NEO1: variants seen among roughly 807,000 people sequenced by gnomAD.
The protein encoded by NEO1 is neogenin 1.
Under a neutral mutation model 159.7 loss-of-function variants are expected in NEO1, and 63 were observed. The ratio of observed to expected loss-of-function variants is 0.39; its 90% CI spans 0.32 to 0.49. The LOEUF (loss-of-function observed/expected upper bound fraction) is 0.49, where lower values mean the gene tolerates loss of function less well. Among genes scored for constraint, NEO1 ranks in the 20% least tolerant of loss-of-function variants. NEO1 has a pLI of 0.85. For synonymous variants in NEO1, 633 were observed against 662.0 expected (o/e 0.96, Z 0.67); for missense variants, 1,615 against 1,831.0 (o/e 0.88, Z 2.15).
chr15:73,172,415 A>T (rs1236298949), intron 5 of NEO1, among the ~76,000 whole-genome samples: 7 of 152,218 alleles, frequency 4.6e-5, no homozygotes, highest in Admixed American at 4.6e-4. Flanking sequence ...GTTAGCTTTG[A>T]TGTGTTCATT....
At chr15:73,261,394 A>G (rs1484076256) in intron 15 of NEO1, among the ~76,000 whole-genome samples, 4 of 152,172 alleles carry the variant, frequency 2.6e-5, no homozygotes, top group Admixed American at 1.3e-4. Flanking sequence ...TCTGGTCACT[A>G]TATCTGTTCG....
chr15:73,167,057 T>C (rs1340702937), intron 5 of NEO1, among the ~76,000 whole-genome samples: 2 of 138,706 alleles, frequency 1.4e-5, no homozygotes, highest in African/African-American at 5.4e-5. Context: ...TTCTCACTCA[T>C]AGGTGGGAAT....
intron 7 of NEO1, among the ~76,000 whole-genome samples, chr15:73,191,694 A>G (rs2036244741): frequency 6.6e-6 from 1 of 152,076 alleles, no homozygotes; most frequent in South Asian, 2.1e-4. Flanking sequence ...AATTTGCAAA[A>G]TTAGAAAATC....
intron 7 of NEO1, among the ~76,000 whole-genome samples, chr15:73,200,236 A>G (rs979872912): frequency 2.0e-5 from 3 of 152,074 alleles, no homozygotes; most frequent in Non-Finnish European, 4.4e-5. Context: ...CTATTCAGGT[A>G]TTCAGGTTAT....
Position 73,258,877 on chromosome 15 carries a change from G to A in NEO1, c.2203+1G>A, listed in dbSNP as rs1316094693. On this transcript the variant is annotated splice_donor_variant, in intron 14 of 28. Coordinates refer to ENST00000261908, the MANE Select transcript of NEO1 (RefSeq NM_002499.4). LOFTEE classifies it high-confidence loss of function. Reference sequence around the variant, plus strand: ...GAAACTTTTGAAAGTGACCTAGATGGTAAGAATAACAATTGGCAAGACTGG... The same window carrying A: ...GAAACTTTTGAAAGTGACCTAGATGATAAGAATAACAATTGGCAAGACTGG... 6.2e-7 allele frequency: 1 copy of A among 1,612,320 alleles called. No individual in the cohort carries two copies. The highest frequency in any genetic ancestry group is 1.7e-5 in the Admixed American group (1 of 59,992).
intron 7 of NEO1, among the ~76,000 whole-genome samples, chr15:73,211,582 G>T (rs2037572395): frequency 2.0e-5 from 3 of 152,210 alleles, no homozygotes; most frequent in Admixed American, 6.5e-5. Flanking sequence ...AGGCGTGGTG[G>T]CACATGCGTG....
chr15:73,125,067 T>C (rs183513004), intron 3 of NEO1, among the ~76,000 whole-genome samples: 1 of 152,310 alleles, frequency 6.6e-6, no homozygotes, highest in East Asian at 1.9e-4. Flanking sequence ...CCTCAAAATC[T>C]GAATCCAAGA....
chr15:73,231,971 A>T (rs911089230), intron 7 of NEO1, among the ~76,000 whole-genome samples: 1 of 152,226 alleles, frequency 6.6e-6, no homozygotes, highest in African/African-American at 2.4e-5. Flanking sequence ...TTCTTAGAAT[A>T]TATTTAAATA....
chr15:73,254,630 G>A, intron 12 of NEO1, 52 bp from the exon 13 acceptor site: 4 of 1,492,560 alleles, frequency 2.7e-6, no homozygotes, highest in Non-Finnish European at 3.6e-6. Context: ...TTTAAAACAG[G>A]ACCAAGCTTT....
intron 11 of NEO1, 28 bp downstream of exon 11, chr15:73,249,749 T>C: frequency 1.3e-6 from 2 of 1,593,872 alleles, no homozygotes; most frequent in Non-Finnish European, 1.7e-6. Context: ...TGGAACGATA[T>C]ACCACACTTG....
At chr15:73,121,551 T>C (rs1215553269) in intron 2 of NEO1, among the ~76,000 whole-genome samples, 1 of 152,198 alleles carries the variant, frequency 6.6e-6, no homozygotes, top group African/African-American at 2.4e-5. Context: ...TGGGAAGAGA[T>C]ACTTTGATAC....
intron 12 of NEO1, 60 bp downstream of exon 12, chr15:73,253,509 CT>C: frequency 1.7e-6 from 2 of 1,173,546 alleles, no homozygotes; most frequent in Non-Finnish European, 2.4e-6. Flanking sequence ...CTCAGAGGGG[CT>C]TATAGAAAGG....
intron 7 of NEO1, among the ~76,000 whole-genome samples, chr15:73,187,611 T>C (rs1303145778): frequency 2.6e-5 from 4 of 152,196 alleles, no homozygotes; most frequent in Non-Finnish European, 1.5e-5. Context: ...TCTGCTATTA[T>C]AAGTTTGAAA....
At chr15:73,084,814 T>G (rs909897535) in intron 1 of NEO1, among the ~76,000 whole-genome samples, 2 of 151,722 alleles carry the variant, frequency 1.3e-5, no homozygotes, top group African/African-American at 4.8e-5. Context: ...GTGTGTGTGT[T>G]TAATGTGTGT....
intron 19 of NEO1, among the ~76,000 whole-genome samples, 197 bp from the exon 20 acceptor site, chr15:73,273,614 T>C (rs905087090): frequency 1.1e-4 from 16 of 152,280 alleles, no homozygotes; most frequent in African/African-American, 3.4e-4. Context: ...GGAGATCACA[T>C]CGGTAAGAGC....
intron 5 of NEO1, among the ~76,000 whole-genome samples, chr15:73,171,052 T>A (rs558692912): frequency 6.6e-6 from 1 of 151,680 alleles, no homozygotes; most frequent in Non-Finnish European, 1.5e-5. Flanking sequence ...CATTTAACTG[T>A]GAGCTTTCAG....
At chr15:73,283,191 A>C in intron 23 of NEO1, 80 bp downstream of exon 23, 1 of 1,463,376 alleles carries the variant, frequency 6.8e-7, no homozygotes, top group Non-Finnish European at 9.3e-7. Flanking sequence ...ATGGAGTGGT[A>C]CACAAAGTTA....
intron 1 of NEO1, among the ~76,000 whole-genome samples, chr15:73,055,234 C>T (rs1486875961): frequency 6.6e-6 from 1 of 152,172 alleles, no homozygotes; most frequent in Middle Eastern, 3.2e-3. Flanking sequence ...TGCATGTCTT[C>T]TCTATTTAGA....
At position 73,136,553 on chromosome 15, in the gene NEO1, G is replaced by A. The variant is rs8039605; in HGVS notation, c.1015+526G>A. On this transcript the variant is annotated intron_variant, in intron 5 of 28. Transcript: ENST00000261908. ...TTCTTTTGGGTGAACAGATCACCCA[G>A]GAAGGAGTACACTGTGCCTCTCAAT... Among the ~76,000 whole-genome samples the A allele has an allele frequency of 8.3e-3, 1,265 of 152,222 alleles. 18 individuals are homozygous for A. Among genetic ancestry groups the A allele is most frequent in the African/African-American group, 0.029 (1,190 of 41,526 alleles).
Sources: allele counts gnomAD v4.1 joint callset (sites outside exome capture counted in the v4.1 genomes callset), GRCh38; gene constraint gnomAD v4.1.1; transcripts MANE v1.5; gene names NCBI Gene and HGNC (gene_info 2026-07-23, HGNC 2026-07-21).